The following ALK variants were observed in gnomAD, a reference collection of about 807,000 sequenced individuals.
The protein encoded by ALK is ALK receptor tyrosine kinase.
Under a neutral mutation model 163.1 loss-of-function variants are expected in ALK, and 74 were observed. The ratio of observed to expected loss-of-function variants is 0.45; its 90% CI spans 0.38 to 0.55. The LOEUF (loss-of-function observed/expected upper bound fraction) is 0.55, where lower values mean the gene tolerates loss of function less well. ALK is among the 20% of genes least tolerant of loss of function. The pLI, the probability that ALK is intolerant of heterozygous loss-of-function variation, is 0.00. For missense variants in ALK, 2,063 were observed against 2,105.3 expected, an observed-to-expected ratio of 0.98 and a Z score of 0.39; for synonymous variants, 960 against 843.2, an observed-to-expected ratio of 1.14 and a Z score of -2.40.
At chr2:29,380,295 G>C (rs573956761) in intron 5 of ALK, among the ~76,000 whole-genome samples, 28 of 151,800 alleles carry the variant, frequency 1.8e-4, no homozygotes, top group African/African-American at 6.8e-4. Context: ...TAGTAGAGAC[G>C]GGGTTTCACC....
At chr2:29,484,887 T>C (rs1273746805) in intron 4 of ALK, among the ~76,000 whole-genome samples, 1 of 152,110 alleles carries the variant, frequency 6.6e-6, no homozygotes, top group African/African-American at 2.4e-5. Context: ...TTTGTTGTTG[T>C]TGCTAATGAC....
intron 1 of ALK, among the ~76,000 whole-genome samples, chr2:29,755,832 C>A (rs754638703): frequency 1.3e-5 from 2 of 152,154 alleles, no homozygotes; most frequent in Non-Finnish European, 2.9e-5. Context: ...AGAGTCGCAG[C>A]ACCTCAAGCA....
chr2:29,561,100 A>G (rs1378678736), intron 3 of ALK, among the ~76,000 whole-genome samples: 1 of 152,206 alleles, frequency 6.6e-6, no homozygotes, highest in Non-Finnish European at 1.5e-5. Context: ...ATATTGAGTT[A>G]AATAAAATGT....
intron 13 of ALK, among the ~76,000 whole-genome samples, chr2:29,234,180 G>A (rs753095284): frequency 5.3e-5 from 8 of 152,126 alleles, no homozygotes; most frequent in Non-Finnish European, 7.3e-5. Context: ...TTTCGATCCT[G>A]TGGGATGAAG....
In ALK at chr2:29,225,481, G is replaced by T. The variant is rs1663940955; in HGVS notation, c.3152C>A (p.Ala1051Asp). The T allele has an allele frequency of 6.2e-7, 1 of 1,613,210 alleles. No homozygotes were observed. Among genetic ancestry groups the T allele is most frequent in the African/African-American group, 1.3e-5 (1 of 74,928 alleles). Reference sequence around the variant, plus strand: ...CTCACCAATCATGATGCCGGAGAAAGCCAGGACCAGGGCGGCCACGAGGGC... The same window carrying T: ...CTCACCAATCATGATGCCGGAGAAATCCAGGACCAGGGCGGCCACGAGGGC... ...TSALVAALVL[A>D]FSGIMIVYRR... is the part of the protein sequence containing the mutation. The change falls in exon 19 of 29, where the codon GCT (alanine) becomes GAT (aspartate). Residue 1051 changes from alanine to aspartate, a missense_variant. Around this residue, in one of 5 missense-constraint regions of ALK, gnomAD observed 575 missense variants for 626.6 expected, o/e 0.92. Coordinates refer to ENST00000389048, the MANE Select transcript of ALK (RefSeq NM_004304.5).
At chr2:29,199,956 A>G (rs1175115884) in intron 26 of ALK, among the ~76,000 whole-genome samples, 2 of 152,308 alleles carry the variant, frequency 1.3e-5, no homozygotes, top group East Asian at 3.9e-4. Flanking sequence ...TGAAATTTCA[A>G]AGACTCTTGT....
chr2:29,672,644 C>A (rs1677739656), intron 3 of ALK, among the ~76,000 whole-genome samples: 1 of 152,044 alleles, frequency 6.6e-6, no homozygotes, highest in South Asian at 2.1e-4. Flanking sequence ...CATACGTGTG[C>A]ATGTGTCTTC....
chr2:29,900,813 A>G (rs1333839506), intron 1 of ALK, among the ~76,000 whole-genome samples: 1 of 152,212 alleles, frequency 6.6e-6, no homozygotes, highest in Non-Finnish European at 1.5e-5. Context: ...AAAGGAGCAC[A>G]TCCCACTATG....
intron 5 of ALK, among the ~76,000 whole-genome samples, chr2:29,374,155 G>C (rs558009354): frequency 6.6e-6 from 1 of 152,208 alleles, no homozygotes; most frequent in Admixed American, 6.5e-5. Context: ...AGGAGATTCA[G>C]CTTAGTCAAG....
chr2:29,358,718 G>A (rs1356390328), intron 5 of ALK, among the ~76,000 whole-genome samples: 2 of 152,100 alleles, frequency 1.3e-5, no homozygotes, highest in Non-Finnish European at 2.9e-5. Context: ...AATAAACTGT[G>A]GTCTCAGTGA....
intron 4 of ALK, among the ~76,000 whole-genome samples, chr2:29,504,744 T>A (rs1000982271): frequency 6.6e-6 from 1 of 152,162 alleles, no homozygotes; most frequent in African/African-American, 2.4e-5. Context: ...CTTGATCCCA[T>A]AGCAGATAGG....
chr2:29,526,304 G>A (rs1376393372), intron 4 of ALK, among the ~76,000 whole-genome samples: 3 of 152,206 alleles, frequency 2.0e-5, no homozygotes, highest in Admixed American at 6.5e-5. Context: ...TATTGTGTGT[G>A]AAGAATTTCC....
At chr2:29,375,977 C>T (rs561065656) in intron 5 of ALK, among the ~76,000 whole-genome samples, 121 of 152,304 alleles carry the variant, frequency 7.9e-4, no homozygotes, top group Non-Finnish European at 1.4e-3. Context: ...TGACCATAAA[C>T]CACAAATAAC....
At chr2:29,705,046 C>T (rs1393236855) in intron 2 of ALK, among the ~76,000 whole-genome samples, 5 of 150,936 alleles carry the variant, frequency 3.3e-5, no homozygotes, top group Admixed American at 6.6e-5. Flanking sequence ...AGTGAAACCC[C>T]GTCTCTACTA....
intron 1 of ALK, among the ~76,000 whole-genome samples, chr2:29,903,539 T>C (rs1667468420): frequency 6.6e-6 from 1 of 152,128 alleles, no homozygotes; most frequent in South Asian, 2.1e-4. Context: ...TGTATGTAAG[T>C]AGGTAGATAT....
chr2:29,281,828 G>A (rs900805005), intron 9 of ALK, among the ~76,000 whole-genome samples: 2 of 152,220 alleles, frequency 1.3e-5, no homozygotes, highest in Non-Finnish European at 2.9e-5. Context: ...GAGAAATGCC[G>A]ATGCTGCTCA....
intron 4 of ALK, among the ~76,000 whole-genome samples, chr2:29,408,081 C>CTTTT (rs760683752): frequency 2.3e-4 from 33 of 140,884 alleles, no homozygotes; most frequent in Non-Finnish European, 2.3e-4. Context: ...AGGGAAAGTT[C>CTTTT]TTTTTCTTTT....
At chr2:29,670,047 T>C (rs1222358302) in intron 3 of ALK, among the ~76,000 whole-genome samples, 1 of 152,130 alleles carries the variant, frequency 6.6e-6, no homozygotes, top group African/African-American at 2.4e-5. Context: ...ATAAGTGAAT[T>C]GCACGCCATA....
rs116954230 is a variant in ALK at position 29,697,624 on chromosome 2, G to A, written c.788-2610C>T. 8.8e-4 allele frequency among the ~76,000 whole-genome samples: 134 copies of A among 152,294 alleles called. No homozygotes were observed. In the East Asian group the frequency reaches 0.025, roughly 28 times the overall value. On this transcript the variant is annotated intron_variant, in intron 2 of 28. Coordinates refer to ENST00000389048, the MANE Select transcript of ALK (RefSeq NM_004304.5). Reference sequence around the variant, plus strand: ...CTTACTTCATCCTCTCCCCGAAGCCGTGGGAATAAGAAAAAATGGGATAAT... The same window carrying A: ...CTTACTTCATCCTCTCCCCGAAGCCATGGGAATAAGAAAAAATGGGATAAT...
Sources: gnomAD v4.1 joint callset for allele counts (sites outside exome capture counted in the v4.1 genomes callset) on GRCh38, gnomAD v4.1.1 for gene constraint, gnomAD v4.1.1 regional missense constraint, MANE v1.5 for transcripts, NCBI Gene and HGNC (gene_info 2026-07-23, HGNC 2026-07-21) for gene names.